FXYD6: variants seen among roughly 807,000 people sequenced by gnomAD.
FXYD6 encodes the protein FXYD domain-containing ion transport regulator 6.
Under a neutral mutation model 16.7 loss-of-function variants are expected in FXYD6, and 7 were observed. The observed-to-expected ratio is 0.42, with a 90% CI of 0.24 to 0.79. FXYD6 has a LOEUF of 0.79. Among genes scored for constraint, FXYD6 ranks in the 30% least tolerant of loss-of-function variants. The pLI is 0.28. For missense variants in FXYD6, 111 were observed against 116.2 expected, an observed-to-expected ratio of 0.95 and a Z score of 0.21; for synonymous variants, 49 against 43.0, an observed-to-expected ratio of 1.14 and a Z score of -0.54.
intron 4 of FXYD6, 97 bp from the exon 5 acceptor site, chr11:117,841,281 C>T: frequency 1.3e-6 from 2 of 1,547,938 alleles, no homozygotes; most frequent in Non-Finnish European, 1.8e-6. Context: ...AATGGCACCC[C>T]CTAGACCTGG....
chr11:117,838,457 A>G, intron 7 of FXYD6, 180 bp from the exon 8 acceptor site: 1 of 614,034 alleles, frequency 1.6e-6, no homozygotes, highest in Non-Finnish European at 2.9e-6. Flanking sequence ...AGCCTCTCCC[A>G]GGTGGGCTGG....
chr11:117,874,413 C>T (rs1037553696), intron 1 of FXYD6, among the ~76,000 whole-genome samples: 8 of 152,182 alleles, frequency 5.3e-5, no homozygotes, highest in African/African-American at 1.9e-4. Flanking sequence ...CTCCTAGATG[C>T]ACAGATCTGT....
intron 1 of FXYD6, among the ~76,000 whole-genome samples, chr11:117,866,329 T>G (rs757426798): frequency 6.6e-6 from 1 of 151,362 alleles, no homozygotes; most frequent in Non-Finnish European, 1.5e-5. Context: ...AAAAAAAAAC[T>G]GGGGGGGAAA....
At chr11:117,842,497 G>A (rs936971429) in intron 2 of FXYD6, among the ~76,000 whole-genome samples, 8 of 152,168 alleles carry the variant, frequency 5.3e-5, no homozygotes, top group Admixed American at 1.3e-4. Flanking sequence ...ACTCCCTGCC[G>A]GACCCTTAGG....
At chr11:117,861,203 C>A (rs937091693) in intron 1 of FXYD6, among the ~76,000 whole-genome samples, 1 of 152,206 alleles carries the variant, frequency 6.6e-6, no homozygotes, top group Non-Finnish European at 1.5e-5. Context: ...TGGAAGGGAG[C>A]CTGCTCTGTC....
intron 1 of FXYD6, among the ~76,000 whole-genome samples, chr11:117,853,575 G>A (rs2056655169): frequency 6.6e-6 from 1 of 152,152 alleles, no homozygotes; most frequent in African/African-American, 2.4e-5. Context: ...TCGGCTCATT[G>A]CAACCTCTGC....
chr11:117,876,206 A>T (rs1263427694), intron 1 of FXYD6, among the ~76,000 whole-genome samples: 3 of 151,962 alleles, frequency 2.0e-5, no homozygotes, highest in Non-Finnish European at 4.4e-5. Flanking sequence ...ACGCTCCACC[A>T]AGTGTCCACA....
intron 1 of FXYD6, among the ~76,000 whole-genome samples, chr11:117,846,593 T>C (rs1383055322): frequency 6.6e-6 from 1 of 152,212 alleles, no homozygotes; most frequent in Non-Finnish European, 1.5e-5. Flanking sequence ...TAATGATAAC[T>C]TGTACTGTAA....
At chr11:117,845,920 C>T (rs1452113314) in intron 1 of FXYD6, among the ~76,000 whole-genome samples, 2 of 152,300 alleles carry the variant, frequency 1.3e-5, no homozygotes, top group East Asian at 1.9e-4. Flanking sequence ...GGGTCACACT[C>T]GGCAGTTTGA....
At position 117,838,066 on chromosome 11, in the gene FXYD6, C is replaced by CAT. The variant is rs1491045475; in HGVS notation, c.*231_*232dup. The CAT allele has an allele frequency of 1.5e-6, 1 of 656,690 alleles. No homozygotes were observed. The highest frequency in any genetic ancestry group is 1.8e-5 in the African/African-American group (1 of 55,054). The allele number at this position is 656,690 out of a possible 1,614,324, so 40.7% of individuals were successfully genotyped here. ...TCACACACACACACACACACACACA[C>CAT]ATCACGGGAGGTGGGCAGGACCGCA... On this transcript the variant is annotated 3_prime_UTR_variant, in exon 8 of 8. Transcript: ENST00000526014.
chr11:117,869,689 AAGAG>A, intron 1 of FXYD6, among the ~76,000 whole-genome samples: 1 of 145,580 alleles, frequency 6.9e-6, no homozygotes, highest in Non-Finnish European at 1.5e-5. Flanking sequence ...GAAGAAGAAG[AAGAG>A]AGAGAGACAG....
chr11:117,874,368 TG>T lies in FXYD6; in HGVS notation c.-6+2223del, dbSNP rs202245732. 4.2e-3 allele frequency among the ~76,000 whole-genome samples: 634 copies of T among 152,298 alleles called. 4 individuals carry two copies. The highest frequency in any genetic ancestry group is 0.015 in the African/African-American group (622 of 41,562). ...GAAGCCACACGTCTTGGGAGAACCC[TG>T]GCAAGCCTAGAGCCCTTTGCACACC... On this transcript the variant is annotated intron_variant, in intron 1 of 7. Transcript: ENST00000526014.
chr11:117,854,900 T>A (rs940643003), intron 1 of FXYD6, among the ~76,000 whole-genome samples: 13 of 152,224 alleles, frequency 8.5e-5, no homozygotes, highest in Non-Finnish European at 1.3e-4. Flanking sequence ...CAGTTCAAGA[T>A]GAGCCTTAAC....
intron 2 of FXYD6, chr11:117,842,237 G>A (rs904132582): frequency 3.8e-5 from 24 of 638,028 alleles, no homozygotes; most frequent in Admixed American, 2.3e-4. Context: ...TGAAGGCATC[G>A]AAACTCAGTG....
intron 1 of FXYD6, among the ~76,000 whole-genome samples, chr11:117,854,323 C>A (rs754342674): frequency 4.6e-5 from 7 of 152,296 alleles, no homozygotes; most frequent in Middle Eastern, 3.4e-3. Context: ...GCAGTGTTGG[C>A]AATAGGGCTC....
chr11:117,840,037 A>G, intron 6 of FXYD6: 1 of 674,534 alleles, frequency 1.5e-6, no homozygotes, highest in South Asian at 1.8e-5. Flanking sequence ...CCTCGGTTAC[A>G]AAATGGGGAC....
rs1000227894 is a variant in FXYD6 at position 117,838,249 on chromosome 11, G to A, written c.*50C>T. Reference sequence around the variant, plus strand: ...TAAGCATCGACATTTGCATCCAAAGGTTCAAGCAGCCGCCTCAGGTTCCAG... The same window carrying A: ...TAAGCATCGACATTTGCATCCAAAGATTCAAGCAGCCGCCTCAGGTTCCAG... On this transcript the variant is annotated 3_prime_UTR_variant, in exon 8 of 8. Transcript: ENST00000526014. 1.0e-5 allele frequency: 7 copies of A among 702,458 alleles called. No homozygotes were observed. In the African/African-American group the frequency reaches 1.2e-4, roughly 12 times the overall value. 43.5% of individuals were successfully genotyped at this position (702,458 alleles called of 1,614,324 possible). A position where few individuals can be genotyped will look rare whatever the true frequency, so the allele number is the denominator to read the frequency against.
Position 117,840,213 on chromosome 11 carries a change from G to A in FXYD6, c.259+106C>T, listed in dbSNP as rs1472673356. 1.4e-5 allele frequency: 20 copies of A among 1,477,548 alleles called. No individual in the cohort carries two copies. In the Admixed American group the frequency reaches 3.2e-4, roughly 24 times the overall value. The allele number at this position is 1,477,548 out of a possible 1,614,324, so 91.5% of individuals were successfully genotyped here. On this transcript the variant is annotated intron_variant, in intron 6 of 7. Transcript: ENST00000526014. ...GAGACCCACTCTCCTGGCACTGCGGGAGCATGTCTGGCTGGCCATGCACCT... is the reference window on the plus strand; with the variant it reads ...GAGACCCACTCTCCTGGCACTGCGGAAGCATGTCTGGCTGGCCATGCACCT...
At chr11:117,854,647 T>C (rs1461140154) in intron 1 of FXYD6, among the ~76,000 whole-genome samples, 2 of 152,174 alleles carry the variant, frequency 1.3e-5, no homozygotes, top group Non-Finnish European at 2.9e-5. Context: ...ACAGACGCCA[T>C]GCAACAATAG....
Sources: gnomAD v4.1 joint callset for allele counts (sites outside exome capture counted in the v4.1 genomes callset) on GRCh38, gnomAD v4.1.1 for gene constraint, MANE v1.5 for transcripts, NCBI Gene and HGNC (gene_info 2026-07-23, HGNC 2026-07-21) for gene names.